The following MAP3K7 variants were observed in gnomAD, a reference collection of about 807,000 sequenced individuals.
MAP3K7 encodes the protein mitogen-activated protein kinase kinase kinase 7, also known as TGF-beta activated kinase 1.
In MAP3K7, 21 loss-of-function variants were observed where a neutral mutation model predicts 84.8. The observed-to-expected ratio is 0.25, with a 90% CI of 0.18 to 0.36. The LOEUF is 0.36. MAP3K7 is among the 10% of genes least tolerant of loss of function. The pLI, the probability that MAP3K7 is intolerant of heterozygous loss-of-function variation, is 1.00. For synonymous variants in MAP3K7, 241 were observed against 247.7 expected (o/e 0.97, Z 0.25); for missense variants, 503 against 747.7 (o/e 0.67, Z 3.82).
chr6:90,559,405 C>G (rs372704089), intron 5 of MAP3K7, among the ~76,000 whole-genome samples: 1 of 151,280 alleles, frequency 6.6e-6, no homozygotes, highest in African/African-American at 2.4e-5. Context: ...AAAGAAGATA[C>G]GTGGAGACTA....
intron 12 of MAP3K7, among the ~76,000 whole-genome samples, chr6:90,543,683 G>A (rs950738064): frequency 2.0e-5 from 3 of 151,988 alleles, no homozygotes; most frequent in Non-Finnish European, 4.4e-5. Context: ...CATCCAACTC[G>A]CACTCATGAA....
chr6:90,547,878 A>C (rs990997796), intron 10 of MAP3K7, among the ~76,000 whole-genome samples, 169 bp downstream of exon 10: 1 of 152,164 alleles, frequency 6.6e-6, no homozygotes, highest in South Asian at 2.1e-4. Flanking sequence ...TTTGGTAATA[A>C]ATGGTAGGAG....
intron 1 of MAP3K7, among the ~76,000 whole-genome samples, chr6:90,572,066 C>A: frequency 1.3e-5 from 2 of 149,968 alleles, no homozygotes; most frequent in African/African-American, 2.5e-5. Context: ...CAAGTAAAAC[C>A]AAAAAAGACA....
At chr6:90,571,420 T>C (rs962740248) in intron 2 of MAP3K7, among the ~76,000 whole-genome samples, 2 of 152,128 alleles carry the variant, frequency 1.3e-5, no homozygotes, top group South Asian at 4.1e-4. Flanking sequence ...AATTAAAATA[T>C]TACGCCTTGA....
At position 90,556,415 on chromosome 6, in the gene MAP3K7, T is replaced by C. The variant is rs897718055; in HGVS notation, c.607+85A>G. On this transcript the variant is annotated intron_variant, in intron 6 of 16. Coordinates refer to ENST00000369329, the MANE Select transcript of MAP3K7 (RefSeq NM_145331.3). ...TATGTATTATGCAGAAATAAAACCA[T>C]GGAAATGGGGAAAATCTATAAAAAC... 32 of 1,436,446 alleles carry C rather than the reference T, an allele frequency of 2.2e-5. No individual in the cohort carries two copies. In the African/African-American group the frequency reaches 2.3e-4, roughly 10 times the overall value. The allele number at this position is 1,436,446 out of a possible 1,614,324, so 89.0% of individuals were successfully genotyped here. A position where few individuals can be genotyped will look rare whatever the true frequency, so the allele number is the denominator to read the frequency against.
At chr6:90,555,397 G>A (rs989758517) in intron 6 of MAP3K7, among the ~76,000 whole-genome samples, 12 of 151,882 alleles carry the variant, frequency 7.9e-5, no homozygotes, top group African/African-American at 2.2e-4. Context: ...CTGGGACTAC[G>A]GGCGCCCGCC....
Position 90,567,585 on chromosome 6 carries a change from G to C in MAP3K7, c.297+973C>G, listed in dbSNP as rs533385015. Among the ~76,000 whole-genome samples the C allele has an allele frequency of 1.8e-4, 27 of 152,322 alleles. No individual in the cohort carries two copies. In the East Asian group the frequency reaches 2.5e-3, roughly 14 times the overall value. ...AACAACAGGTGCTGGAGAGGATGTG[G>C]AGAAATAGGAACACTTTTACACCGT... On this transcript the variant is annotated intron_variant, in intron 3 of 16. Transcript: ENST00000369329.
chr6:90,551,845 C>A, intron 8 of MAP3K7: 1 of 444,368 alleles, frequency 2.3e-6, no homozygotes, highest in South Asian at 6.7e-5. Flanking sequence ...CTAGTCTAGC[C>A]ATCTTTCCAG....
chr6:90,542,766 T>C (rs1022594371), intron 12 of MAP3K7, among the ~76,000 whole-genome samples: 2 of 152,026 alleles, frequency 1.3e-5, no homozygotes, highest in East Asian at 1.9e-4. Context: ...AGCTACTTTG[T>C]AGGGCACAAA....
At chr6:90,556,757 C>T in intron 5 of MAP3K7, 133 bp from the exon 6 acceptor site, 2 of 862,192 alleles carry the variant, frequency 2.3e-6, no homozygotes, top group South Asian at 1.9e-5. Flanking sequence ...TGTGAAATGA[C>T]TAATTTACTT....
intron 13 of MAP3K7, among the ~76,000 whole-genome samples, chr6:90,530,096 T>C (rs1366939984): frequency 6.6e-6 from 1 of 152,202 alleles, no homozygotes; most frequent in Non-Finnish European, 1.5e-5. Context: ...TTTAACTTTC[T>C]TTGACTGAAA....
rs183527067 is a variant in MAP3K7, at chr6:90,580,716, C to T, written c.120+6048G>A. Among the ~76,000 whole-genome samples the T allele has an allele frequency of 1.6e-4, 24 of 152,328 alleles. No individual in the cohort carries two copies. In the East Asian group the frequency reaches 4.2e-3, roughly 27 times the overall value. ...AAGTTACAAGTATTTCCCCATCACA[C>T]ACATCCAACTAAAATGGTGACATAC... On this transcript the variant is annotated intron_variant, in intron 1 of 16. Coordinates refer to ENST00000369329, the MANE Select transcript of MAP3K7 (RefSeq NM_145331.3).
intron 5 of MAP3K7, among the ~76,000 whole-genome samples, chr6:90,558,297 G>A (rs1389783918): frequency 3.9e-5 from 6 of 151,982 alleles, no homozygotes; most frequent in African/African-American, 9.7e-5. Flanking sequence ...ACTCCAGCCT[G>A]GGCGACAGAG....
chr6:90,575,306 G>A (rs1777037417), intron 1 of MAP3K7, among the ~76,000 whole-genome samples: 1 of 152,164 alleles, frequency 6.6e-6, no homozygotes, highest in Admixed American at 6.5e-5. Context: ...CCAAAGGTAA[G>A]GGCTAATGAT....
chr6:90,585,253 T>C (rs962842203), intron 1 of MAP3K7, among the ~76,000 whole-genome samples: 13 of 152,196 alleles, frequency 8.5e-5, no homozygotes, highest in Non-Finnish European at 1.5e-4. Flanking sequence ...GACCTTGCTC[T>C]TTCCACCATA....
intron 9 of MAP3K7, among the ~76,000 whole-genome samples, chr6:90,550,000 C>T (rs1022866081): frequency 6.6e-6 from 1 of 152,088 alleles, no homozygotes; most frequent in Admixed American, 6.5e-5. Context: ...TTTTTGATGA[C>T]CACAAATTAC....
intron 12 of MAP3K7, among the ~76,000 whole-genome samples, chr6:90,539,800 T>C (rs1250529458): frequency 6.6e-6 from 1 of 151,772 alleles, no homozygotes; most frequent in East Asian, 1.9e-4. Context: ...TACCTGACAT[T>C]TGAAACTTCT....
At chr6:90,543,121 A>G (rs1246687690) in intron 12 of MAP3K7, among the ~76,000 whole-genome samples, 1 of 152,040 alleles carries the variant, frequency 6.6e-6, no homozygotes, top group Non-Finnish European at 1.5e-5. Context: ...CCACCTCTTT[A>G]AAGTACGTCC....
intron 12 of MAP3K7, among the ~76,000 whole-genome samples, chr6:90,543,789 T>C (rs1775922827): frequency 6.6e-6 from 1 of 152,040 alleles, no homozygotes; most frequent in Non-Finnish European, 1.5e-5. Flanking sequence ...TGATAATACA[T>C]TAATCAATAC....
Sources: gnomAD v4.1 joint callset for allele counts (sites outside exome capture counted in the v4.1 genomes callset) on GRCh38, gnomAD v4.1.1 for gene constraint, MANE v1.5 for transcripts, NCBI Gene and HGNC (gene_info 2026-07-23, HGNC 2026-07-21) for gene names.